PHKA2: variants seen among roughly 807,000 people sequenced by gnomAD.
PHKA2 encodes the protein phosphorylase kinase regulatory subunit alpha 2.
A neutral mutation model predicts 102.0 loss-of-function variants in PHKA2; 31 were observed. The observed-to-expected ratio is 0.30, with a 90% CI of 0.23 to 0.41. The LOEUF is 0.41. PHKA2 is among the 10% of genes least tolerant of loss of function. The pLI, the probability that PHKA2 is intolerant of heterozygous loss-of-function variation, is 1.00. For synonymous variants in PHKA2, 455 were observed against 416.2 expected, an observed-to-expected ratio of 1.09 and a Z score of -1.13; for missense variants, 858 against 1,023.1, an observed-to-expected ratio of 0.84 and a Z score of 2.20.
intron 25 of PHKA2, 46 bp from the exon 26 acceptor site, chrX:18,905,905 C>A (rs767466942): frequency 2.1e-6 from 2 of 970,280 alleles, no homozygotes; most frequent in African/African-American, 1.9e-5. Flanking sequence ...GGGCTGGTGG[C>A]GGGTAAAGGT....
intron 10 of PHKA2, 23 bp downstream of exon 10, chrX:18,938,604 C>T (rs765654367): frequency 2.4e-5 from 29 of 1,185,799 alleles, no homozygotes; most frequent in Middle Eastern, 2.3e-4. Context: ...TAATTATCAA[C>T]GTAACACCCA....
intron 30 of PHKA2, chrX:18,895,979 T>C (rs1300074472): frequency 1.8e-5 from 2 of 111,587 alleles, no homozygotes; most frequent in Admixed American, 1.9e-4. Flanking sequence ...GGGCAGGGCC[T>C]GCTCCGACCT....
chrX:18,923,985 G>T, intron 17 of PHKA2, 71 bp downstream of exon 17: 1 of 724,360 alleles, frequency 1.4e-6, no homozygotes, highest in Non-Finnish European at 2.2e-6. Context: ...TGAAAAATGG[G>T]ACAAGGGCAG....
At chrX:18,977,989 C>T (rs937557054) in intron 1 of PHKA2, among the ~76,000 whole-genome samples, 7 of 111,584 alleles carry the variant, frequency 6.3e-5, no homozygotes, top group Admixed American at 1.9e-4. Flanking sequence ...TGGCGAAACC[C>T]GTCTCTACTA....
At chrX:18,964,572 G>C (rs2048913574) in intron 1 of PHKA2, among the ~76,000 whole-genome samples, 1 of 112,407 alleles carries the variant, frequency 8.9e-6, no homozygotes. Flanking sequence ...GAAAAATCCT[G>C]TTACAATAAC....
chrX:18,902,425 C>T (rs1380029756), intron 26 of PHKA2, among the ~76,000 whole-genome samples: 1 of 109,770 alleles, frequency 9.1e-6, no homozygotes, highest in Non-Finnish European at 1.9e-5. Flanking sequence ...GCATGAACCA[C>T]CGTGCCCACC....
chrX:18,948,990 A>C lies in PHKA2; in HGVS notation c.455-164T>G, dbSNP rs760984452. 3.6e-5 allele frequency among the ~76,000 whole-genome samples: 4 copies of C among 111,728 alleles called. No individual in the cohort carries two copies. The East Asian group carries it at 1.1e-3, about 31-fold the overall frequency. ...AAGTAAGGCATAACAGTGAGTGTCT[A>C]ATCTCCGAAAAGAGGGAAGGAAGGA... On this transcript the variant is annotated intron_variant, in intron 4 of 32. Transcript: ENST00000379942.
chrX:18,922,696 G>T (rs2048142891), intron 17 of PHKA2, among the ~76,000 whole-genome samples: 1 of 111,233 alleles, frequency 9.0e-6, no homozygotes, highest in African/African-American at 3.3e-5. Context: ...GGTTGCTAGG[G>T]GCGGGAGGAG....
At chrX:18,939,557 G>A (rs1418801908) in intron 9 of PHKA2, among the ~76,000 whole-genome samples, 8 of 111,853 alleles carry the variant, frequency 7.2e-5, no homozygotes, top group African/African-American at 1.3e-4. Context: ...GCAGTGGCGC[G>A]ATTTCGGCTC....
At position 18,899,192 on chromosome X, in the gene PHKA2, G is replaced by A. The variant is rs993957742; in HGVS notation, c.3092C>T (p.Ala1031Val). The change falls in exon 29 of 33, where the codon GCG (alanine) becomes GTG (valine). Residue 1031 changes from alanine (A) to valine (V), a missense_variant. Physicochemically the swap from Ala to Val is moderately conservative, Grantham distance 64. Coordinates refer to ENST00000379942, the MANE Select transcript of PHKA2 (RefSeq NM_000292.3). ...TGTTACCGCAGACTTGGAGGAATGCGCACTGCTGGACGCGGCCTGGCCCAC... is the reference window on the plus strand; with the variant it reads ...TGTTACCGCAGACTTGGAGGAATGCACACTGCTGGACGCGGCCTGGCCCAC... ...FSVGQAASSS[A>V]HSSKSARSST... is the part of the protein sequence containing the mutation. 12 of 1,209,746 alleles carry A rather than the reference G, an allele frequency of 9.9e-6. No individual in the cohort carries two copies. Among genetic ancestry groups the A allele is most frequent in the Admixed American group, 8.7e-5 (4 of 46,094 alleles).
intron 9 of PHKA2, among the ~76,000 whole-genome samples, chrX:18,939,729 G>A (rs1479993851): frequency 1.8e-5 from 2 of 111,665 alleles, no homozygotes; most frequent in East Asian, 2.8e-4. Flanking sequence ...TCCTGACCTC[G>A]TGATCCGCCC....
chrX:18,909,495 G>A (rs933759614), intron 20 of PHKA2, among the ~76,000 whole-genome samples: 12 of 112,177 alleles, frequency 1.1e-4, no homozygotes, highest in South Asian at 3.7e-4. Context: ...CTCCTAGGGC[G>A]TGAAAATAGC....
intron 4 of PHKA2, among the ~76,000 whole-genome samples, chrX:18,949,551 TAAAA>T (rs2048640828): frequency 9.0e-6 from 1 of 111,651 alleles, no homozygotes; most frequent in African/African-American, 3.3e-5. Context: ...AGTAGCAAAA[TAAAA>T]GAAGGAAGGA....
chrX:18,925,750 CCACT>C lies in PHKA2; in HGVS notation c.1483_1486del (p.Ser495GlyfsTer17), dbSNP rs749062358. 1 of 1,186,515 alleles carries C rather than the reference CCACT, an allele frequency of 8.4e-7. No homozygotes were observed. Among genetic ancestry groups the C allele is most frequent in the African/African-American group, 1.8e-5 (1 of 56,578 alleles). Reference sequence around the variant, plus strand: ...GACACCAATATGTCGATACGGTCGCCCACTCAAATTCATATTCTTATTCCGTCCT... The same window carrying C: ...GACACCAATATGTCGATACGGTCGCCCAAATTCATATTCTTATTCCGTCCT... On this transcript the variant is annotated frameshift_variant, in exon 15 of 33. Coordinates refer to ENST00000379942, the MANE Select transcript of PHKA2 (RefSeq NM_000292.3). LOFTEE classifies it high-confidence loss of function.
intron 12 of PHKA2, among the ~76,000 whole-genome samples, chrX:18,930,961 G>T (rs757839486): frequency 2.7e-5 from 3 of 111,215 alleles, no homozygotes; most frequent in Non-Finnish European, 5.7e-5. Context: ...GGGTCCAGCC[G>T]AAGCACTCAG....
intron 5 of PHKA2, among the ~76,000 whole-genome samples, chrX:18,946,763 G>A (rs1272549167): frequency 1.9e-5 from 2 of 107,915 alleles, no homozygotes; most frequent in Non-Finnish European, 3.8e-5. Flanking sequence ...AGCTTCCAAG[G>A]TCCAACTCAA....
At chrX:18,958,324 A>T (rs1297426140) in intron 1 of PHKA2, among the ~76,000 whole-genome samples, 1 of 111,313 alleles carries the variant, frequency 9.0e-6, no homozygotes, top group African/African-American at 3.3e-5. Flanking sequence ...AGATACCTGT[A>T]ATAATGGGTA....
chrX:18,944,429 C>T (rs1220704488), intron 6 of PHKA2, among the ~76,000 whole-genome samples: 1 of 111,564 alleles, frequency 9.0e-6, no homozygotes, highest in Admixed American at 9.5e-5. Flanking sequence ...AAAATTATAG[C>T]CCTGGAGGCT....
At chrX:18,982,917 C>T (rs2049195788) in intron 1 of PHKA2, among the ~76,000 whole-genome samples, 1 of 112,345 alleles carries the variant, frequency 8.9e-6, no homozygotes, top group African/African-American at 3.2e-5. Context: ...GCACTACGAT[C>T]ATTTATTCTT....
Sources: allele counts gnomAD v4.1 joint callset (sites outside exome capture counted in the v4.1 genomes callset), GRCh38; gene constraint gnomAD v4.1.1; transcripts MANE v1.5; gene names NCBI Gene and HGNC (gene_info 2026-07-23, HGNC 2026-07-21).